Variants in PTPRN2 observed in about 807,000 individuals in gnomAD.
The protein encoded by PTPRN2 is receptor-type tyrosine-protein phosphatase N2.
A neutral mutation model predicts 118.8 loss-of-function variants in PTPRN2; 74 were observed. That is an observed-to-expected ratio of 0.62 (90% confidence interval 0.52 to 0.76). The LOEUF (loss-of-function observed/expected upper bound fraction) is 0.76, where lower values mean the gene tolerates loss of function less well. PTPRN2 is among the 30% of genes least tolerant of loss of function. PTPRN2 has a pLI of 0.00. For synonymous variants in PTPRN2, 641 were observed against 608.0 expected, an observed-to-expected ratio of 1.05 and a Z score of -0.80; for missense variants, 1,481 against 1,394.4, an observed-to-expected ratio of 1.06 and a Z score of -0.99.
intron 2 of PTPRN2, among the ~76,000 whole-genome samples, chr7:158,352,468 G>A (rs1385090438): frequency 6.6e-6 from 1 of 152,180 alleles, no homozygotes; most frequent in Non-Finnish European, 1.5e-5. Flanking sequence ...GCATTAGAAT[G>A]GCTGCTTCAC....
Position 157,878,395 on chromosome 7 carries a change from G to A in PTPRN2, c.1788+20278C>T, listed in dbSNP as rs533997885. On this transcript the variant is annotated intron_variant, in intron 12 of 22. Coordinates refer to ENST00000389418, the MANE Select transcript of PTPRN2 (RefSeq NM_002847.5). The stretch of plus-strand genomic sequence containing the variant: ...ACTCACCGAGAAGCTCTCGGATTCC[G>A]TGGGGCTGGAAGGGTCAGTGTGATA... Among the ~76,000 whole-genome samples the A allele has an allele frequency of 2.8e-5, 4 of 141,054 alleles. No individual in the cohort carries two copies. The East Asian group carries it at 6.6e-4, about 23-fold the overall frequency. 92.5% of individuals were successfully genotyped at this position (141,054 alleles called of 152,430 possible).
chr7:158,268,264 G>A (rs1294836660), intron 3 of PTPRN2, among the ~76,000 whole-genome samples: 1 of 151,616 alleles, frequency 6.6e-6, no homozygotes, highest in African/African-American at 2.4e-5. Flanking sequence ...ACAGAGCGGG[G>A]TGTGAAATAT....
chr7:158,065,975 A>G (rs1810741025), intron 11 of PTPRN2, among the ~76,000 whole-genome samples: 1 of 152,220 alleles, frequency 6.6e-6, no homozygotes, highest in Non-Finnish European at 1.5e-5. Context: ...GTTCAGGGAA[A>G]GATCCTGCCC....
intron 2 of PTPRN2, among the ~76,000 whole-genome samples, chr7:158,347,017 T>C (rs546360263): frequency 6.6e-6 from 1 of 152,344 alleles, no homozygotes; most frequent in Non-Finnish European, 1.5e-5. Flanking sequence ...TTATTGGATG[T>C]ACAGCTTGCA....
intron 6 of PTPRN2, 105 bp downstream of exon 6, chr7:158,166,826 G>A (rs577666115): frequency 4.0e-5 from 53 of 1,317,172 alleles, no homozygotes; most frequent in East Asian, 3.6e-4. Flanking sequence ...GGGGGAGTGC[G>A]GTGTGCAGAC....
intron 11 of PTPRN2, among the ~76,000 whole-genome samples, chr7:158,002,385 GC>G (rs1390990202): frequency 1.3e-5 from 2 of 152,168 alleles, no homozygotes; most frequent in Non-Finnish European, 1.5e-5. Flanking sequence ...CCCCTAAAAA[GC>G]TTCCAGTTTC....
intron 10 of PTPRN2, among the ~76,000 whole-genome samples, chr7:158,091,222 A>G (rs576143238): frequency 6.6e-6 from 1 of 152,400 alleles, no homozygotes; most frequent in South Asian, 2.1e-4. Flanking sequence ...CTGCCTAAGC[A>G]GTAGTTAACA....
chr7:157,782,653 G>A (rs1476031892), intron 12 of PTPRN2, among the ~76,000 whole-genome samples: 1 of 152,168 alleles, frequency 6.6e-6, no homozygotes, highest in Admixed American at 6.5e-5. Flanking sequence ...CTGAAAGAAC[G>A]ACGAGTGTCG....
At chr7:157,799,367 G>C (rs574635397) in intron 12 of PTPRN2, among the ~76,000 whole-genome samples, 1 of 152,102 alleles carries the variant, frequency 6.6e-6, no homozygotes. Flanking sequence ...ATCTCTTGCC[G>C]TGAGACCTCC....
intron 19 of PTPRN2, among the ~76,000 whole-genome samples, chr7:157,575,438 A>C (rs763286683): frequency 3.9e-5 from 6 of 152,240 alleles, no homozygotes; most frequent in Non-Finnish European, 8.8e-5. Context: ...GACGGCAGGC[A>C]GGGGCCACTG....
intron 2 of PTPRN2, among the ~76,000 whole-genome samples, chr7:158,381,618 G>A (rs900969438): frequency 2.0e-5 from 3 of 152,230 alleles, no homozygotes; most frequent in East Asian, 3.9e-4. Context: ...TCCAACCCCT[G>A]CCTGTTACCC....
chr7:158,391,850 C>T (rs1477458807), intron 2 of PTPRN2, among the ~76,000 whole-genome samples: 2 of 152,228 alleles, frequency 1.3e-5, no homozygotes, highest in South Asian at 4.1e-4. Flanking sequence ...CAGGGCACAA[C>T]AGTGAGCAGC....
chr7:157,562,674 CCGCGT>C (rs1410464507), intron 21 of PTPRN2, among the ~76,000 whole-genome samples: 2 of 150,862 alleles, frequency 1.3e-5, no homozygotes, highest in African/African-American at 4.9e-5. Context: ...CCATGTGCTC[CCGCGT>C]CACCACACAC....
Position 158,411,936 on chromosome 7 carries a change from C to A in PTPRN2, c.163+77799G>T, listed in dbSNP as rs1415899290. On this transcript the variant is annotated intron_variant, in intron 2 of 22. Coordinates refer to ENST00000389418, the MANE Select transcript of PTPRN2 (RefSeq NM_002847.5). ...AGAACATGCGTGGGCCAAGAACACA[C>A]CTGCCAGGGCCCATCGCAGCACCCT... Among the ~76,000 whole-genome samples, 4 of 152,132 alleles carry A rather than the reference C, an allele frequency of 2.6e-5. No individual in the cohort carries two copies. The East Asian group carries it at 7.7e-4, about 29-fold the overall frequency.
At chr7:157,954,989 CT>C (rs1403716304) in intron 11 of PTPRN2, among the ~76,000 whole-genome samples, 2 of 152,202 alleles carry the variant, frequency 1.3e-5, no homozygotes, top group Non-Finnish European at 2.9e-5. Flanking sequence ...CAAAATGCCA[CT>C]TCCTAGTTTG....
chr7:158,557,757 T>C (rs1183407630), intron 1 of PTPRN2, among the ~76,000 whole-genome samples: 1 of 152,186 alleles, frequency 6.6e-6, no homozygotes, highest in Non-Finnish European at 1.5e-5. Flanking sequence ...CAGAGCACCA[T>C]GGCGCCTAGA....
At chr7:158,504,602 C>T (rs147570535) in intron 1 of PTPRN2, among the ~76,000 whole-genome samples, 42 of 152,356 alleles carry the variant, frequency 2.8e-4, no homozygotes, top group African/African-American at 9.4e-4. Flanking sequence ...CAGTCCCTCA[C>T]TGATGGGCAT....
intron 11 of PTPRN2, among the ~76,000 whole-genome samples, chr7:158,007,772 TGCTGTGTGTG>T (rs1194595456): frequency 6.7e-6 from 1 of 148,986 alleles, no homozygotes; most frequent in Non-Finnish European, 1.5e-5. Context: ...TGTGAGGGTG[TGCTGTGTGTG>T]GCTGTGTGTG....
intron 1 of PTPRN2, among the ~76,000 whole-genome samples, chr7:158,551,049 A>C (rs1421316467): frequency 6.6e-6 from 1 of 152,232 alleles, no homozygotes; most frequent in Admixed American, 6.5e-5. Context: ...TTGGAGAAGG[A>C]GGGAGGCATC....
Sources: gnomAD v4.1 joint callset for allele counts (sites outside exome capture counted in the v4.1 genomes callset) on GRCh38, gnomAD v4.1.1 for gene constraint, MANE v1.5 for transcripts, NCBI Gene and HGNC (gene_info 2026-07-23, HGNC 2026-07-21) for gene names.